The following SLC35E2B variants were observed in gnomAD, a reference collection of about 807,000 sequenced individuals.
SLC35E2B encodes solute carrier family 35, member E2B.
SLC35E2B carries 18 observed loss-of-function variants against 32.4 expected under a neutral mutation model. That is an observed-to-expected ratio of 0.56 (90% CI 0.38 to 0.82). The LOEUF is 0.82. Among genes scored for constraint, SLC35E2B ranks in the 40% least tolerant of loss-of-function variants. The pLI is 0.00. For missense variants in SLC35E2B, 263 were observed against 469.5 expected, an observed-to-expected ratio of 0.56 and a Z score of 4.06; for synonymous variants, 132 against 209.1, an observed-to-expected ratio of 0.63 and a Z score of 3.18.
At chr1:1,668,855 G>T (rs1398220359) in intron 8 of SLC35E2B, among the ~76,000 whole-genome samples, 3 of 152,002 alleles carry the variant, frequency 2.0e-5, no homozygotes, top group Non-Finnish European at 2.9e-5. Context: ...GCCAGGCGTG[G>T]TGGTGGGCGC....
chr1:1,666,203 G>A (rs948708821), intron 9 of SLC35E2B, among the ~76,000 whole-genome samples, 184 bp from the exon 10 acceptor site: 9 of 152,164 alleles, frequency 5.9e-5, no homozygotes, highest in Admixed American at 4.6e-4. Flanking sequence ...GATGGGGCGG[G>A]GGTGCTCAAC....
intron 2 of SLC35E2B, among the ~76,000 whole-genome samples, chr1:1,686,425 A>T (rs1293818711): frequency 6.6e-6 from 1 of 151,388 alleles, no homozygotes; most frequent in East Asian, 1.9e-4. Context: ...ATGTGAGTGA[A>T]GCGAGATGCA....
At chr1:1,679,830 C>CAAA (rs763458628) in intron 2 of SLC35E2B, among the ~76,000 whole-genome samples, 3 of 70,752 alleles carry the variant, frequency 4.2e-5, no homozygotes, top group Non-Finnish European at 5.9e-5. Context: ...AGACTCCCGT[C>CAAA]AAAAAAAAAA....
chr1:1,681,101 C>T (rs28669173), intron 2 of SLC35E2B, among the ~76,000 whole-genome samples: 22,368 of 152,024 alleles, frequency 0.15, 2,050 homozygotes, highest in East Asian at 0.33. Flanking sequence ...ACCCACGGTT[C>T]GTTCCTGTCA....
At chr1:1,684,590 G>C (rs1175341594) in intron 2 of SLC35E2B, among the ~76,000 whole-genome samples, 1 of 152,008 alleles carries the variant, frequency 6.6e-6, no homozygotes, top group East Asian at 1.9e-4. Flanking sequence ...AGGAGATTGA[G>C]ACCATCCTGG....
intron 5 of SLC35E2B, 84 bp downstream of exon 5, chr1:1,675,379 A>G: frequency 3.1e-6 from 4 of 1,293,244 alleles, no homozygotes; most frequent in Non-Finnish European, 4.2e-6. Flanking sequence ...GCAGAGCCCC[A>G]TGGCAGGCAG....
intron 9 of SLC35E2B, among the ~76,000 whole-genome samples, chr1:1,667,602 A>C (rs1643580550): frequency 6.6e-6 from 1 of 152,046 alleles, no homozygotes; most frequent in Non-Finnish European, 1.5e-5. Context: ...TTGAATTCCT[A>C]ATCTGGTTCT....
intron 5 of SLC35E2B, among the ~76,000 whole-genome samples, chr1:1,674,927 T>C (rs1643803746): frequency 6.6e-6 from 1 of 152,054 alleles, no homozygotes; most frequent in South Asian, 2.1e-4. Context: ...GTACGCGACA[T>C]GGGGCTGACA....
chr1:1,664,354 G>T lies in SLC35E2B; in HGVS notation c.*1428C>A, dbSNP rs1476280263. Reference sequence around the variant, plus strand: ...GTATTTCCCAGGTGAGAAGCCAAATGGAAAGCCAGTGAAGTGACCATGGGT... The same window carrying T: ...GTATTTCCCAGGTGAGAAGCCAAATTGAAAGCCAGTGAAGTGACCATGGGT... On this transcript the variant is annotated 3_prime_UTR_variant, in exon 10 of 10. Coordinates refer to ENST00000617444, the MANE Select transcript of SLC35E2B (RefSeq NM_001290264.2). 5 of 951,188 alleles carry T rather than the reference G, an allele frequency of 5.3e-6. No homozygotes were observed. The highest frequency in any genetic ancestry group is 6.3e-6 in the Non-Finnish European group (5 of 799,774). The allele number at this position is 951,188 out of a possible 1,614,324, so 58.9% of individuals were successfully genotyped here. A position where few individuals can be genotyped will look rare whatever the true frequency, so the allele number is the denominator to read the frequency against.
At chr1:1,689,911 C>A (rs1570350826) in intron 2 of SLC35E2B, among the ~76,000 whole-genome samples, 1 of 150,316 alleles carries the variant, frequency 6.7e-6, no homozygotes, top group East Asian at 1.9e-4. Context: ...TGCTTGAACC[C>A]AGGACGGGGA....
chr1:1,689,842 C>T (rs1360837818), intron 2 of SLC35E2B, among the ~76,000 whole-genome samples: 1 of 150,982 alleles, frequency 6.6e-6, no homozygotes, highest in Non-Finnish European at 1.5e-5. Context: ...CAAAAATTAA[C>T]CAGGTGTGGT....
In SLC35E2B at chr1:1,662,809, A is replaced by G. The variant is rs17162801; in HGVS notation, c.*2973T>C. 288 of 797,678 alleles carry G rather than the reference A, an allele frequency of 3.6e-4. 19 individuals carry two copies. Among genetic ancestry groups the G allele is most frequent in the African/African-American group, 3.3e-3 (187 of 56,358 alleles). The allele number at this position is 797,678 out of a possible 1,614,324, so 49.4% of individuals were successfully genotyped here. On this transcript the variant is annotated 3_prime_UTR_variant, in exon 10 of 10. Transcript: ENST00000617444. ...TTCAAGTGTTCTGTTCGTTTACAAA[A>G]GCACAGACCACGACCATGGACACAC...
rs574588826 is a variant in SLC35E2B, at chr1:1,681,858, G to A, written c.-147-5012C>T. Among the ~76,000 whole-genome samples, 238 of 151,072 alleles carry A rather than the reference G, an allele frequency of 1.6e-3. 1 individual carries two copies. The highest frequency in any genetic ancestry group is 5.6e-3 in the African/African-American group (229 of 41,244). ...AAATTAGCCAGGCGTGGTGGCGGGC[G>A]CCTGTAGTCCCAGCTACTCAGGAGG... On this transcript the variant is annotated intron_variant, in intron 2 of 9. Transcript: ENST00000617444.
At chr1:1,669,782 G>A (rs879787816) in intron 7 of SLC35E2B, 46 bp from the exon 8 acceptor site, 35 of 1,534,682 alleles carry the variant, frequency 2.3e-5, no homozygotes, top group African/African-American at 9.6e-5. Flanking sequence ...GGGACAGGCC[G>A]AGTTCACACG....
At position 1,692,464 on chromosome 1, in the gene SLC35E2B, G is replaced by C; in HGVS notation, c.-581C>G. On this transcript the variant is annotated 5_prime_UTR_variant, in exon 1 of 10. Transcript: ENST00000617444. ...CAGAACCCACCGAGAGCCTGATGCA[G>C]TCTCCGCCGCAGGCATAGCGCTAGG... 1.0e-6 allele frequency: 1 copy of C among 987,436 alleles called. No individual in the cohort carries two copies. Among genetic ancestry groups the C allele is most frequent in the Non-Finnish European group, 1.2e-6 (1 of 831,628 alleles). 61.2% of individuals were successfully genotyped at this position (987,436 alleles called of 1,614,324 possible).
At chr1:1,683,447 G>C (rs148959561) in intron 2 of SLC35E2B, among the ~76,000 whole-genome samples, 4 of 152,190 alleles carry the variant, frequency 2.6e-5, no homozygotes. Context: ...TACGTTAAAA[G>C]AAAACAGAGG....
At chr1:1,681,220 TAG>T (rs979124331) in intron 2 of SLC35E2B, among the ~76,000 whole-genome samples, 2 of 151,904 alleles carry the variant, frequency 1.3e-5, no homozygotes, top group Non-Finnish European at 2.9e-5. Context: ...TTTTTCGAGA[TAG>T]AGTCTCGCTC....
intron 9 of SLC35E2B, among the ~76,000 whole-genome samples, chr1:1,667,366 C>G (rs996784097): frequency 3.3e-5 from 5 of 152,022 alleles, no homozygotes; most frequent in Non-Finnish European, 7.4e-5. Flanking sequence ...TGAGCCGAGA[C>G]TGCGATACTG....
At chr1:1,684,972 T>G (rs1570344363) in intron 2 of SLC35E2B, among the ~76,000 whole-genome samples, 2 of 151,526 alleles carry the variant, frequency 1.3e-5, no homozygotes, top group South Asian at 4.2e-4. Context: ...CCGGGCGTGG[T>G]GGCGCATGCC....
Sources: gnomAD v4.1 joint callset for allele counts (sites outside exome capture counted in the v4.1 genomes callset) on GRCh38, gnomAD v4.1.1 for gene constraint, MANE v1.5 for transcripts, NCBI Gene and HGNC (gene_info 2026-07-23, HGNC 2026-07-21) for gene names.